Variants in FARS2 observed in about 807,000 individuals in gnomAD.
The protein encoded by FARS2 is phenylalanyl-tRNA synthetase 2, mitochondrial.
Under a neutral mutation model 46.4 loss-of-function variants are expected in FARS2, and 40 were observed. The ratio of observed to expected loss-of-function variants is 0.86; its 90% CI spans 0.67 to 1.12. FARS2 has a LOEUF of 1.12. Ranked by LOEUF, FARS2 falls within the 50% of genes most tolerant of loss-of-function variation. The pLI, the probability that FARS2 is intolerant of heterozygous loss-of-function variation, is 0.00. For synonymous variants in FARS2, 234 were observed against 214.9 expected, an observed-to-expected ratio of 1.09 and a Z score of -0.78; for missense variants, 513 against 567.9, an observed-to-expected ratio of 0.90 and a Z score of 0.98.
intron 2 of FARS2, among the ~76,000 whole-genome samples, chr6:5,383,456 G>A (rs1049902945): frequency 3.3e-5 from 5 of 152,200 alleles, no homozygotes; most frequent in African/African-American, 7.2e-5. Flanking sequence ...TTGAGCTAGC[G>A]AAACGAGAGG....
intron 4 of FARS2, chr6:5,466,463 G>T: frequency 1.1e-6 from 1 of 926,064 alleles, no homozygotes; most frequent in Non-Finnish European, 1.3e-6. Context: ...ATATTCCCAG[G>T]CTTAGCTCTG....
intron 2 of FARS2, among the ~76,000 whole-genome samples, chr6:5,387,903 A>T (rs1760240118): frequency 6.6e-6 from 1 of 152,226 alleles, no homozygotes; most frequent in Non-Finnish European, 1.5e-5. Flanking sequence ...ATAAATGTTT[A>T]ATTTCAGAAT....
At position 5,404,581 on chromosome 6, in the gene FARS2, T is replaced by C; in HGVS notation, c.652T>C (p.Phe218Leu). 7 of 1,609,206 alleles carry C rather than the reference T, an allele frequency of 4.3e-6. No homozygotes were observed. The highest frequency in any genetic ancestry group is 5.9e-6 in the Non-Finnish European group (7 of 1,177,416). The change falls in exon 3 of 7, where the codon TTT becomes CTT. Residue 218 changes from phenylalanine (F) to leucine (L), a missense_variant. Phe to Leu is a conservative substitution (Grantham distance 22). Coordinates refer to ENST00000274680, the MANE Select transcript of FARS2 (RefSeq NM_006567.5). ...AAAGGATGGAGAAAGCCTGCAGCTC[T>C]TTGAACAAAGTTCTCGCTCTGCGCA... is the stretch of plus-strand genomic sequence containing the variant. ...GIKDGESLQL[F>L]EQSSRSAHKQ... is the part of the protein sequence containing the mutation.
At chr6:5,272,702 G>A (rs1055051802) in intron 1 of FARS2, among the ~76,000 whole-genome samples, 11 of 151,954 alleles carry the variant, frequency 7.2e-5, no homozygotes, top group African/African-American at 2.7e-4. Flanking sequence ...TGAAATATGC[G>A]ATAGATTATT....
chr6:5,513,844 G>T (rs1561676586), intron 4 of FARS2, among the ~76,000 whole-genome samples: 1 of 152,076 alleles, frequency 6.6e-6, no homozygotes, highest in East Asian at 1.9e-4. Context: ...GGTTCCCAGG[G>T]TGGGGAAGGC....
At chr6:5,559,298 G>T (rs1021385977) in intron 5 of FARS2, among the ~76,000 whole-genome samples, 1 of 152,130 alleles carries the variant, frequency 6.6e-6, no homozygotes, top group South Asian at 2.1e-4. Context: ...CCAGCTGCTT[G>T]GTTGGCCAGG....
chr6:5,719,161 T>C (rs1241359684), intron 6 of FARS2, among the ~76,000 whole-genome samples: 2 of 152,028 alleles, frequency 1.3e-5, no homozygotes, highest in African/African-American at 4.8e-5. Flanking sequence ...GGCAAGAGGA[T>C]AGCTTGAGCC....
At chr6:5,509,902 C>T (rs184575328) in intron 4 of FARS2, among the ~76,000 whole-genome samples, 159 of 152,284 alleles carry the variant, frequency 1.0e-3, no homozygotes, top group Non-Finnish European at 1.7e-3. Flanking sequence ...GGTTTATTTT[C>T]CTCTTACTCA....
chr6:5,716,881 A>G (rs1294175909), intron 6 of FARS2, among the ~76,000 whole-genome samples: 1 of 152,236 alleles, frequency 6.6e-6, no homozygotes, highest in Non-Finnish European at 1.5e-5. Flanking sequence ...CCACATGCTC[A>G]GCTATCTGGA....
chr6:5,465,780 T>C (rs1343561785), intron 4 of FARS2, among the ~76,000 whole-genome samples: 4 of 152,226 alleles, frequency 2.6e-5, no homozygotes, highest in African/African-American at 7.2e-5. Flanking sequence ...TGGAAGTTTT[T>C]TTTTTAATGT....
chr6:5,751,594 G>A (rs1761950397), intron 6 of FARS2, among the ~76,000 whole-genome samples: 2 of 152,142 alleles, frequency 1.3e-5, no homozygotes, highest in African/African-American at 4.8e-5. Context: ...GAGGCTTTTG[G>A]AGTAAATGCT....
intron 5 of FARS2, among the ~76,000 whole-genome samples, chr6:5,581,943 G>A (rs553354878): frequency 6.9e-6 from 1 of 145,284 alleles, no homozygotes; most frequent in East Asian, 2.1e-4. Context: ...ACATACTTCC[G>A]GTTAATTCCT....
At chr6:5,486,028 C>A (rs1766755869) in intron 4 of FARS2, among the ~76,000 whole-genome samples, 1 of 152,204 alleles carries the variant, frequency 6.6e-6, no homozygotes. Context: ...ACTAGTTATT[C>A]ATTATTTCTG....
chr6:5,728,730 G>A (rs907822830), intron 6 of FARS2, among the ~76,000 whole-genome samples: 1 of 152,204 alleles, frequency 6.6e-6, no homozygotes, highest in African/African-American at 2.4e-5. Flanking sequence ...GAAGTGGCAA[G>A]TCCAGCCTTG....
At chr6:5,385,397 G>C (rs771697054) in intron 2 of FARS2, among the ~76,000 whole-genome samples, 1 of 151,442 alleles carries the variant, frequency 6.6e-6, no homozygotes, top group African/African-American at 2.4e-5. Context: ...GGAGATGAAG[G>C]CTTGGGAGTT....
At chr6:5,701,004 T>C (rs1406843371) in intron 6 of FARS2, among the ~76,000 whole-genome samples, 2 of 152,226 alleles carry the variant, frequency 1.3e-5, no homozygotes, top group Admixed American at 6.5e-5. Flanking sequence ...ACAAGACTTT[T>C]ATGAGCACAG....
chr6:5,474,760 A>G (rs1485409548), intron 4 of FARS2, among the ~76,000 whole-genome samples: 1 of 150,664 alleles, frequency 6.6e-6, no homozygotes, highest in Non-Finnish European at 1.5e-5. Context: ...TCCTGGATTA[A>G]AGCAGTTCTC....
intron 1 of FARS2, among the ~76,000 whole-genome samples, chr6:5,363,758 T>C (rs1758467767): frequency 6.6e-6 from 1 of 152,174 alleles, no homozygotes; most frequent in South Asian, 2.1e-4. Context: ...TTACGTCCCC[T>C]CTGTCTTACT....
At chr6:5,484,555 T>A (rs1316727042) in intron 4 of FARS2, among the ~76,000 whole-genome samples, 1 of 152,268 alleles carries the variant, frequency 6.6e-6, no homozygotes, top group African/African-American at 2.4e-5. Context: ...AAATAGCCAC[T>A]GACTGCTTTA....
Sources: gnomAD v4.1 joint callset for allele counts (sites outside exome capture counted in the v4.1 genomes callset) on GRCh38, gnomAD v4.1.1 for gene constraint, MANE v1.5 for transcripts, NCBI Gene and HGNC (gene_info 2026-07-23, HGNC 2026-07-21) for gene names.